SRPK2: variants seen among roughly 807,000 people sequenced by gnomAD.
SRPK2 encodes SRSF protein kinase 2.
Under a neutral mutation model 90.8 loss-of-function variants are expected in SRPK2, and 21 were observed. That is an observed-to-expected ratio of 0.23 (90% CI 0.16 to 0.33). The LOEUF is 0.33. Ranked by LOEUF, SRPK2 falls within the 10% of genes least tolerant of loss-of-function variation. SRPK2 has a pLI of 1.00. For synonymous variants in SRPK2, 288 were observed against 311.1 expected (o/e 0.93, Z 0.78); for missense variants, 620 against 869.0 (o/e 0.71, Z 3.60).
At position 105,167,446 on chromosome 7, in the gene SRPK2, T is replaced by C; in HGVS notation, c.445A>G (p.Ser149Gly). 1 of 1,613,692 alleles carries C rather than the reference T, an allele frequency of 6.2e-7. No homozygotes were observed. Among genetic ancestry groups the C allele is most frequent in the African/African-American group, 1.3e-5 (1 of 75,030 alleles). The change falls in exon 6 of 16, where the codon AGT becomes GGT. Residue 149 changes from serine to glycine, a missense_variant. Physicochemically the swap from Ser to Gly is moderately conservative, Grantham distance 56. Transcript: ENST00000393651. ...LLKCVRESDP[S>G]DPNKDMVVQL... ...ACCACCATGTCTTTGTTTGGGTCAC[T>C]GGGATCACTTTCTCGAACCTATGCC...
At position 105,378,721 on chromosome 7, in the gene SRPK2, C is replaced by T. The variant is rs901201818; in HGVS notation, c.71+9927G>A. ...GAGGTTGCAGTGAGCCGAGATCATG[C>T]CACTGCAATCCAGTCTGGCAACAGA... On this transcript the variant is annotated intron_variant, in intron 2 of 15. Coordinates refer to ENST00000393651, the MANE Select transcript of SRPK2 (RefSeq NM_182692.3). 6.0e-5 allele frequency among the ~76,000 whole-genome samples: 9 copies of T among 150,606 alleles called. No homozygotes were observed. In the East Asian group the frequency reaches 1.8e-3, roughly 30 times the overall value.
chr7:105,303,791 T>C (rs1182765109), intron 2 of SRPK2, among the ~76,000 whole-genome samples: 2 of 152,182 alleles, frequency 1.3e-5, no homozygotes, highest in Non-Finnish European at 2.9e-5. Flanking sequence ...TACAGTTTAA[T>C]GGTTACATAG....
chr7:105,258,212 T>A (rs1288900476), intron 2 of SRPK2, among the ~76,000 whole-genome samples: 1 of 147,976 alleles, frequency 6.8e-6, no homozygotes, highest in African/African-American at 2.5e-5. Context: ...AGGTCCAGAG[T>A]CCTACACCAG....
chr7:105,119,422 TTG>T, intron 15 of SRPK2, among the ~76,000 whole-genome samples: 1 of 152,270 alleles, frequency 6.6e-6, no homozygotes, highest in Non-Finnish European at 1.5e-5. Context: ...TGCTCTTCTT[TTG>T]TGTCTATTGT....
In SRPK2 at chr7:105,243,167, T is replaced by C. The variant is rs537260784; in HGVS notation, c.72-39382A>G. Reference sequence around the variant, plus strand: ...CAGGCCCGCTACCATCCCAGCTCCTTTTTCTTTTATTATCTGGGTAGATAA... The same window carrying C: ...CAGGCCCGCTACCATCCCAGCTCCTCTTTCTTTTATTATCTGGGTAGATAA... On this transcript the variant is annotated intron_variant, in intron 2 of 15. Coordinates refer to ENST00000393651, the MANE Select transcript of SRPK2 (RefSeq NM_182692.3). Among the ~76,000 whole-genome samples the C allele has an allele frequency of 5.3e-5, 8 of 152,034 alleles. No individual in the cohort carries two copies. The East Asian group carries it at 1.6e-3, about 29-fold the overall frequency.
rs1799919432 is a variant in SRPK2 at position 105,118,781 on chromosome 7, A to C, written c.1916-759T>G. On this transcript the variant is annotated intron_variant, in intron 15 of 15. Transcript: ENST00000393651. ...TTAAAAAGAAAAAAAGTAGCTGGGC[A>C]CGGTGGTACATCCCAGCTACTCAGG... Among the ~76,000 whole-genome samples the C allele has an allele frequency of 2.0e-5, 3 of 151,998 alleles. No homozygotes were observed. The East Asian group carries it at 5.8e-4, about 29-fold the overall frequency.
At chr7:105,330,496 C>G (rs1814182896) in intron 2 of SRPK2, among the ~76,000 whole-genome samples, 1 of 151,998 alleles carries the variant, frequency 6.6e-6, no homozygotes, top group African/African-American at 2.4e-5. Flanking sequence ...GAGTAGCAAA[C>G]ATTAACAACA....
At chr7:105,253,051 T>C (rs945117920) in intron 2 of SRPK2, among the ~76,000 whole-genome samples, 2 of 152,162 alleles carry the variant, frequency 1.3e-5, no homozygotes, top group African/African-American at 2.4e-5. Context: ...CCCAAGTTAG[T>C]ATCTTTAAGT....
At chr7:105,330,795 T>A (rs560038447) in intron 2 of SRPK2, among the ~76,000 whole-genome samples, 3 of 151,646 alleles carry the variant, frequency 2.0e-5, no homozygotes, top group South Asian at 4.2e-4. Context: ...GCCTAGGCAA[T>A]ACAGTGAGAC....
chr7:105,187,584 C>T (rs1275422073), intron 3 of SRPK2, among the ~76,000 whole-genome samples: 1 of 152,128 alleles, frequency 6.6e-6, no homozygotes, highest in Non-Finnish European at 1.5e-5. Flanking sequence ...AAACTAAATG[C>T]TATTATTAAA....
intron 2 of SRPK2, among the ~76,000 whole-genome samples, chr7:105,374,041 T>C (rs139536646): frequency 6.6e-6 from 1 of 152,104 alleles, no homozygotes; most frequent in Non-Finnish European, 1.5e-5. Context: ...GATTCTCCTG[T>C]CTCAGCCTCC....
chr7:105,143,366 T>C, intron 9 of SRPK2, 36 bp from the exon 10 acceptor site: 1 of 1,592,118 alleles, frequency 6.3e-7, no homozygotes, highest in Non-Finnish European at 8.5e-7. Context: ...AGTATTCTTC[T>C]TTTTAAAGCA....
At position 105,208,358 on chromosome 7, in the gene SRPK2, T is replaced by C. The variant is rs144139005; in HGVS notation, c.72-4573A>G. On this transcript the variant is annotated intron_variant, in intron 2 of 15. Transcript: ENST00000393651. ...TCATCCACAGTGTTCAGAGAAGTAC[T>C]ACTATTTTTAACGAAAAGCAGAAAC... Among the ~76,000 whole-genome samples, 32 of 152,284 alleles carry C rather than the reference T, an allele frequency of 2.1e-4. No homozygotes were observed. In the East Asian group the frequency reaches 6.0e-3, roughly 28 times the overall value.
At chr7:105,233,449 C>T (rs1313804507) in intron 2 of SRPK2, among the ~76,000 whole-genome samples, 1 of 152,202 alleles carries the variant, frequency 6.6e-6, no homozygotes, top group East Asian at 1.9e-4. Flanking sequence ...AGATAATGGA[C>T]TGACAGGCTC....
Position 105,367,320 on chromosome 7 carries a change from T to C in SRPK2, c.71+21328A>G, listed in dbSNP as rs555886209. On this transcript the variant is annotated intron_variant, in intron 2 of 15. Transcript: ENST00000393651. Reference sequence around the variant, plus strand: ...CTCTGTCACCCAGGCTGGAGTGCACTGGCATGATATTGGCTCACCGCAACC... The same window carrying C: ...CTCTGTCACCCAGGCTGGAGTGCACCGGCATGATATTGGCTCACCGCAACC... Among the ~76,000 whole-genome samples the C allele has an allele frequency of 2.0e-5, 3 of 152,216 alleles. No individual in the cohort carries two copies. In the East Asian group the frequency reaches 5.8e-4, roughly 29 times the overall value.
chr7:105,118,148 A>G (rs1169909783), intron 15 of SRPK2, 126 bp from the exon 16 acceptor site: 1 of 871,952 alleles, frequency 1.1e-6, no homozygotes, highest in African/African-American at 1.7e-5. Flanking sequence ...GCAACAACAA[A>G]GAACACCAGC....
At chr7:105,177,632 G>C (rs532303183) in intron 3 of SRPK2, among the ~76,000 whole-genome samples, 1 of 152,214 alleles carries the variant, frequency 6.6e-6, no homozygotes, top group Admixed American at 6.5e-5. Flanking sequence ...TCCTGGGGGC[G>C]GCTATGCATG....
chr7:105,135,609 G>C (rs979516392), intron 11 of SRPK2, among the ~76,000 whole-genome samples: 2 of 152,230 alleles, frequency 1.3e-5, no homozygotes, highest in Non-Finnish European at 2.9e-5. Flanking sequence ...CGAGTTGGCT[G>C]TTATCTGAGG....
intron 2 of SRPK2, among the ~76,000 whole-genome samples, chr7:105,236,392 T>G (rs1003703919): frequency 2.0e-5 from 3 of 152,290 alleles, no homozygotes; most frequent in African/African-American, 4.8e-5. Context: ...ATCAACAGTA[T>G]ATCATAGTTT....
Sources: allele counts gnomAD v4.1 joint callset (sites outside exome capture counted in the v4.1 genomes callset), GRCh38; gene constraint gnomAD v4.1.1; transcripts MANE v1.5; gene names NCBI Gene and HGNC (gene_info 2026-07-23, HGNC 2026-07-21).